WSCD1: variants seen among roughly 807,000 people sequenced by gnomAD.
The protein encoded by WSCD1 is sialate:O-sulfotransferase 1.
A neutral mutation model predicts 60.4 loss-of-function variants in WSCD1; 41 were observed. That is an observed-to-expected ratio of 0.68 (90% CI 0.53 to 0.88). WSCD1 has a LOEUF of 0.88. WSCD1 is among the 40% of genes least tolerant of loss of function. The pLI is 0.00. For synonymous variants in WSCD1, 361 were observed against 332.5 expected (o/e 1.09, Z -0.93); for missense variants, 784 against 796.2 (o/e 0.98, Z 0.18).
At chr17:6,081,282 A>C (rs1909255367) in intron 2 of WSCD1, among the ~76,000 whole-genome samples, 197 bp downstream of exon 2, 1 of 152,032 alleles carries the variant, frequency 6.6e-6, no homozygotes, top group Non-Finnish European at 1.5e-5. Context: ...GGAGTTCCAC[A>C]TGGCTCAAGG....
chr17:6,074,400 C>T (rs756677788), intron 1 of WSCD1, among the ~76,000 whole-genome samples: 1 of 152,200 alleles, frequency 6.6e-6, no homozygotes, highest in Non-Finnish European at 1.5e-5. Context: ...CCCTGAGCAT[C>T]GAAGGATGTC....
intron 7 of WSCD1, among the ~76,000 whole-genome samples, chr17:6,116,299 C>T (rs993495911): frequency 6.6e-6 from 1 of 152,138 alleles, no homozygotes; most frequent in Non-Finnish European, 1.5e-5. Flanking sequence ...GAGGTTGGGT[C>T]GACACTGCCT....
chr17:6,106,275 CAA>C (rs1486730622), intron 5 of WSCD1, among the ~76,000 whole-genome samples: 1 of 152,166 alleles, frequency 6.6e-6, no homozygotes, highest in Non-Finnish European at 1.5e-5. Context: ...ATGAGAAATG[CAA>C]ACTTTTTTGG....
chr17:6,093,337 C>T (rs752131064), intron 4 of WSCD1, among the ~76,000 whole-genome samples: 1 of 152,244 alleles, frequency 6.6e-6, no homozygotes, highest in Non-Finnish European at 1.5e-5. Context: ...GTAGTGGGCA[C>T]CTGCTGTGTG....
chr17:6,118,077 G>C lies in WSCD1; in HGVS notation c.1264G>C (p.Asp422His), dbSNP rs1326353725. The change falls in exon 8 of 9, where the codon GAT becomes CAT. Residue 422 changes from aspartate (D) to histidine (H), a missense_variant. Asp to His is a moderately conservative substitution (Grantham distance 81). Coordinates refer to ENST00000317744, the MANE Select transcript of WSCD1 (RefSeq NM_015253.2). The surrounding 1 kb of genome is among the most constrained non-coding windows in gnomAD (Gnocchi z 5.8). ...ESGRREIEMF[D>H]SAILLIRNPY... The stretch of plus-strand genomic sequence containing the variant: ...TGGCAGGAGGGAGATTGAGATGTTT[G>C]ATTCAGCCATCCTGCTAATCCGGAA... 1 of 1,614,200 alleles carries C rather than the reference G, an allele frequency of 6.2e-7. No homozygotes were observed. The highest frequency in any genetic ancestry group is 8.5e-7 in the Non-Finnish European group (1 of 1,180,030).
Position 6,122,253 on chromosome 17 carries a change from C to T in WSCD1, c.*1592C>T, listed in dbSNP as rs748681125. The stretch of plus-strand genomic sequence containing the variant: ...GGGGTGGAAGGCCCAGTAGAGCTGC[C>T]CTTCCCCAGATGGAAGCTTCCTCCA... On this transcript the variant is annotated 3_prime_UTR_variant, in exon 9 of 9. Transcript: ENST00000317744. 6 of 152,236 alleles carry T rather than the reference C, an allele frequency of 3.9e-5. No individual in the cohort carries two copies. The highest frequency in any genetic ancestry group is 5.9e-5 in the Non-Finnish European group (4 of 68,068). 9.4% of individuals were successfully genotyped at this position (152,236 alleles called of 1,614,324 possible). A position where few individuals can be genotyped will look rare whatever the true frequency, so the allele number is the denominator to read the frequency against.
At chr17:6,115,564 TTC>T (rs1347638168) in intron 7 of WSCD1, among the ~76,000 whole-genome samples, 1 of 152,150 alleles carries the variant, frequency 6.6e-6, no homozygotes, top group African/African-American at 2.4e-5. Flanking sequence ...TTCTCTGGAT[TTC>T]TTTCTTTCCT....
In WSCD1 at chr17:6,121,338, C is replaced by T. The variant is rs1409994107; in HGVS notation, c.*677C>T. 6.5e-6 allele frequency: 1 copy of T among 152,874 alleles called. No homozygotes were observed. Among genetic ancestry groups the T allele is most frequent in the African/African-American group, 2.4e-5 (1 of 41,448 alleles). The allele number at this position is 152,874 out of a possible 1,614,324, so 9.5% of individuals were successfully genotyped here. On this transcript the variant is annotated 3_prime_UTR_variant, in exon 9 of 9. Transcript: ENST00000317744. Reference sequence around the variant, plus strand: ...CTTTTCTCTGTGGCTGGGCTGGCTGCACCATGGGCAGGGTTGAGGACTGCC... The same window carrying T: ...CTTTTCTCTGTGGCTGGGCTGGCTGTACCATGGGCAGGGTTGAGGACTGCC...
At chr17:6,099,455 C>T (rs1910656064) in intron 5 of WSCD1, among the ~76,000 whole-genome samples, 2 of 151,652 alleles carry the variant, frequency 1.3e-5, no homozygotes, top group African/African-American at 4.9e-5. Flanking sequence ...GCAGAGGTTG[C>T]AGTGAGCCGA....
At chr17:6,119,788 G>C (rs757619461) in intron 8 of WSCD1, among the ~76,000 whole-genome samples, 3 of 152,294 alleles carry the variant, frequency 2.0e-5, no homozygotes, top group East Asian at 3.9e-4. Flanking sequence ...TTCAGACGGC[G>C]TTTGAGGTGT....
intron 2 of WSCD1, among the ~76,000 whole-genome samples, chr17:6,087,665 T>C (rs1008120762): frequency 6.6e-6 from 1 of 152,090 alleles, no homozygotes; most frequent in Non-Finnish European, 1.5e-5. Flanking sequence ...GTAGAGTCCA[T>C]GAGAGGTAAT....
chr17:6,103,750 G>T (rs1177865780), intron 5 of WSCD1, among the ~76,000 whole-genome samples: 3 of 152,154 alleles, frequency 2.0e-5, no homozygotes, highest in Non-Finnish European at 2.9e-5. Context: ...ATGCTGTGGG[G>T]GTGGGAGGAA....
chr17:6,115,419 C>T (rs1045287500), intron 7 of WSCD1, among the ~76,000 whole-genome samples: 7 of 152,056 alleles, frequency 4.6e-5, no homozygotes, highest in Non-Finnish European at 8.8e-5. Context: ...TAATCTTTCC[C>T]TTGTAGAAAT....
At chr17:6,090,293 C>T (rs1233185561) in intron 3 of WSCD1, 28 bp from the exon 4 acceptor site, 23 of 1,550,030 alleles carry the variant, frequency 1.5e-5, no homozygotes, top group East Asian at 4.7e-5. Flanking sequence ...GGCCAAGGTC[C>T]GGACTCACCC....
intron 1 of WSCD1, among the ~76,000 whole-genome samples, 185 bp downstream of exon 1, chr17:6,070,837 G>T (rs1243701929): frequency 6.6e-6 from 1 of 151,334 alleles, no homozygotes; most frequent in African/African-American, 2.4e-5. Flanking sequence ...GCTCGGCCGG[G>T]GCAGGGGAGA....
At chr17:6,081,985 T>C (rs1432237877) in intron 2 of WSCD1, 1 of 152,186 alleles carries the variant, frequency 6.6e-6, no homozygotes, top group Non-Finnish European at 1.5e-5. Context: ...GTCTGATGCA[T>C]GCTGAAGCTG....
chr17:6,100,496 G>A (rs1392455258), intron 5 of WSCD1, among the ~76,000 whole-genome samples: 2 of 152,224 alleles, frequency 1.3e-5, no homozygotes, highest in East Asian at 1.9e-4. Flanking sequence ...TGTCTCGCCC[G>A]TGGATGTGGG....
intron 5 of WSCD1, among the ~76,000 whole-genome samples, chr17:6,109,295 G>T (rs989917379): frequency 6.6e-6 from 1 of 152,162 alleles, no homozygotes; most frequent in African/African-American, 2.4e-5. Flanking sequence ...TCTGCCCCCT[G>T]CTTTCTGCAC....
Position 6,120,900 on chromosome 17 carries a change from A to C in WSCD1, c.*239A>C. ...ACACCTCCTCAGACACTCAGACACC[A>C]CTCCAGGCTCATAGCCCCGTCTTGA... On this transcript the variant is annotated 3_prime_UTR_variant, in exon 9 of 9. Transcript: ENST00000317744. 1.3e-5 allele frequency: 7 copies of C among 543,498 alleles called. No individual in the cohort carries two copies. Among genetic ancestry groups the C allele is most frequent in the Admixed American group, 6.7e-5 (2 of 29,788 alleles). The allele number at this position is 543,498 out of a possible 1,614,324, so 33.7% of individuals were successfully genotyped here. A position where few individuals can be genotyped will look rare whatever the true frequency, so the allele number is the denominator to read the frequency against.
Sources: gnomAD v4.1 joint callset for allele counts (sites outside exome capture counted in the v4.1 genomes callset) on GRCh38, gnomAD v4.1.1 for gene constraint, Gnocchi (gnomAD v3.1) non-coding constraint, MANE v1.5 for transcripts, NCBI Gene and HGNC (gene_info 2026-07-23, HGNC 2026-07-21) for gene names.